Variants in RBMS3 observed in about 807,000 individuals in gnomAD.
The protein encoded by RBMS3 is RNA-binding motif, single-stranded-interacting protein 3.
Under a neutral mutation model 66.8 loss-of-function variants are expected in RBMS3, and 27 were observed. The ratio of observed to expected loss-of-function variants is 0.40; its 90% CI spans 0.30 to 0.56. The LOEUF (loss-of-function observed/expected upper bound fraction) is 0.56. Among genes scored for constraint, RBMS3 ranks in the 20% least tolerant of loss-of-function variants. The pLI is 0.40. For missense variants in RBMS3, 513 were observed against 549.5 expected (o/e 0.93, Z 0.66); for synonymous variants, 188 against 183.0 (o/e 1.03, Z -0.22).
intron 4 of RBMS3, among the ~76,000 whole-genome samples, chr3:29,661,575 G>A (rs2050552827): frequency 6.6e-6 from 1 of 151,854 alleles, no homozygotes. Context: ...CCCCTTAATT[G>A]TCCTTTTAAC....
intron 4 of RBMS3, among the ~76,000 whole-genome samples, chr3:29,651,095 ATGAAAGAC>A (rs1235618333): frequency 2.0e-5 from 3 of 152,310 alleles, no homozygotes; most frequent in Non-Finnish European, 2.9e-5. Context: ...AAGCTGTCAC[ATGAAAGAC>A]TAAAAGACTG....
chr3:29,519,173 A>C (rs1211489029), intron 3 of RBMS3, among the ~76,000 whole-genome samples: 9 of 152,194 alleles, frequency 5.9e-5, no homozygotes, highest in Admixed American at 5.9e-4. Context: ...AGCCCCATAG[A>C]TGTGTTACCT....
At chr3:29,661,860 T>C (rs1241551060) in intron 4 of RBMS3, among the ~76,000 whole-genome samples, 2 of 152,162 alleles carry the variant, frequency 1.3e-5, no homozygotes, top group Non-Finnish European at 2.9e-5. Context: ...AATGGCATGA[T>C]GCCCCCAACT....
At chr3:29,303,478 C>T (rs2125450249) in intron 1 of RBMS3, among the ~76,000 whole-genome samples, 1 of 152,122 alleles carries the variant, frequency 6.6e-6, no homozygotes, top group East Asian at 1.9e-4. Flanking sequence ...TTGAGAGTCA[C>T]ATATCTGCAT....
chr3:29,843,873 G>A (rs117331737), intron 6 of RBMS3, among the ~76,000 whole-genome samples: 3,927 of 151,976 alleles, frequency 0.026, 121 homozygotes, highest in East Asian at 0.092. Context: ...CACTTGAACC[G>A]GGAAGCGGGC....
intron 5 of RBMS3, among the ~76,000 whole-genome samples, chr3:29,752,610 C>T (rs189328629): frequency 7.9e-4 from 120 of 152,280 alleles, no homozygotes; most frequent in African/African-American, 2.8e-3. Flanking sequence ...GTCACATACA[C>T]ATGCCACATT....
chr3:29,953,287 C>T (rs1234885889), intron 12 of RBMS3, among the ~76,000 whole-genome samples: 1 of 151,742 alleles, frequency 6.6e-6, no homozygotes, highest in African/African-American at 2.4e-5. Flanking sequence ...AAGATGCAGC[C>T]GTCATTAATG....
chr3:29,426,554 C>T (rs1377001296), intron 1 of RBMS3, among the ~76,000 whole-genome samples: 1 of 152,176 alleles, frequency 6.6e-6, no homozygotes, highest in East Asian at 1.9e-4. Context: ...GAATCTCATT[C>T]TAACAGAATT....
At chr3:29,793,749 A>G (rs1005864514) in intron 6 of RBMS3, among the ~76,000 whole-genome samples, 10 of 152,204 alleles carry the variant, frequency 6.6e-5, no homozygotes, top group African/African-American at 1.9e-4. Flanking sequence ...TCAGAGATGT[A>G]TGGTCATTCT....
intron 3 of RBMS3, among the ~76,000 whole-genome samples, chr3:29,559,279 G>A (rs2149045042): frequency 6.6e-6 from 1 of 151,778 alleles, no homozygotes; most frequent in East Asian, 1.9e-4. Flanking sequence ...TCTTGGTAAA[G>A]CTCCTACCAG....
intron 14 of RBMS3, among the ~76,000 whole-genome samples, chr3:29,996,955 T>C (rs1699283275): frequency 6.6e-6 from 1 of 151,970 alleles, no homozygotes; most frequent in African/African-American, 2.4e-5. Context: ...CAAAAAACCC[T>C]TCAAAAAATT....
At chr3:29,627,621 A>G (rs1460246805) in intron 4 of RBMS3, among the ~76,000 whole-genome samples, 1 of 152,082 alleles carries the variant, frequency 6.6e-6, no homozygotes, top group Non-Finnish European at 1.5e-5. Context: ...AATCTCTCCT[A>G]TGTGCTCCTG....
At chr3:29,528,261 A>G (rs2045214331) in intron 3 of RBMS3, among the ~76,000 whole-genome samples, 1 of 151,980 alleles carries the variant, frequency 6.6e-6, no homozygotes, top group East Asian at 1.9e-4. Flanking sequence ...TACAGGCGCC[A>G]GCCACCACAC....
At chr3:29,858,909 G>A (rs1332781810) in intron 6 of RBMS3, among the ~76,000 whole-genome samples, 1 of 152,110 alleles carries the variant, frequency 6.6e-6, no homozygotes, top group Non-Finnish European at 1.5e-5. Context: ...CCTCTATGTT[G>A]TTTCTAGTCA....
chr3:29,365,580 A>G (rs1559520877), intron 1 of RBMS3, among the ~76,000 whole-genome samples: 3 of 152,142 alleles, frequency 2.0e-5, no homozygotes, highest in Non-Finnish European at 4.4e-5. Flanking sequence ...TCTTTGCGTT[A>G]AGTCTCTTTG....
rs536162456 is a variant in RBMS3, at chr3:29,544,624, C to G, written c.308-42490C>G. 4.0e-5 allele frequency among the ~76,000 whole-genome samples: 6 copies of G among 151,866 alleles called. No individual in the cohort carries two copies. In the South Asian group the frequency reaches 1.0e-3, roughly 26 times the overall value. On this transcript the variant is annotated intron_variant, in intron 3 of 14. Transcript: ENST00000383767. ...GTCTTCATGACTTTATATAAGATTT[C>G]CAGTACCCTCTAATTGCTAGGAGTC...
intron 1 of RBMS3, among the ~76,000 whole-genome samples, chr3:29,285,786 A>C (rs1184317001): frequency 6.6e-6 from 1 of 152,174 alleles, no homozygotes; most frequent in African/African-American, 2.4e-5. Flanking sequence ...GTGCCATAGA[A>C]TGAGCAAACG....
At chr3:29,742,987 TCTGA>T (rs1256576217) in intron 5 of RBMS3, among the ~76,000 whole-genome samples, 1 of 152,166 alleles carries the variant, frequency 6.6e-6, no homozygotes, top group African/African-American at 2.4e-5. Flanking sequence ...GAAGTGTGAG[TCTGA>T]CTATCTTTTG....
chr3:29,367,790 A>T (rs1207281257), intron 1 of RBMS3, among the ~76,000 whole-genome samples: 1 of 152,204 alleles, frequency 6.6e-6, no homozygotes, highest in Non-Finnish European at 1.5e-5. Context: ...ATTTTGATGA[A>T]GTTAGAAAAA....
Sources: gnomAD v4.1 joint callset for allele counts (sites outside exome capture counted in the v4.1 genomes callset) on GRCh38, gnomAD v4.1.1 for gene constraint, MANE v1.5 for transcripts, NCBI Gene and HGNC (gene_info 2026-07-23, HGNC 2026-07-21) for gene names.